The following OPA1 variants were observed in gnomAD, a reference collection of about 807,000 sequenced individuals.
OPA1 encodes the protein OPA1 mitochondrial dynamin like GTPase, also known as dynamin-like GTPase OPA1, mitochondrial.
Under a neutral mutation model 152.9 loss-of-function variants are expected in OPA1, and 59 were observed. That is an observed-to-expected ratio of 0.39 (90% CI 0.31 to 0.48). The LOEUF (loss-of-function observed/expected upper bound fraction) is 0.48, where lower values mean the gene tolerates loss of function less well. Ranked by LOEUF, OPA1 falls within the 20% of genes least tolerant of loss-of-function variation. The pLI is 0.96. For synonymous variants in OPA1, 400 were observed against 389.9 expected (o/e 1.03, Z -0.31); for missense variants, 1,008 against 1,216.8 (o/e 0.83, Z 2.55).
At position 193,695,799 on chromosome 3, in the gene OPA1, G is replaced by A. The variant is rs1722203029; in HGVS notation, c.*1199G>A. ...CAGTTTGCTAAATCTTATTTTCTTG[G>A]AGTTGCTTTTTGGTAACAGCCCCAT... On this transcript the variant is annotated 3_prime_UTR_variant, in exon 31 of 31. Transcript: ENST00000361510. 6.6e-6 allele frequency: 1 copy of A among 151,942 alleles called. No individual in the cohort carries two copies. Among genetic ancestry groups the A allele is most frequent in the Non-Finnish European group, 1.5e-5 (1 of 67,978 alleles). The allele number at this position is 151,942 out of a possible 1,614,324, so 9.4% of individuals were successfully genotyped here. A position where few individuals can be genotyped will look rare whatever the true frequency, so the allele number is the denominator to read the frequency against.
Position 193,639,173 on chromosome 3 carries a change from G to A in OPA1, c.1149+1108G>A, listed in dbSNP as rs142054862. Among the ~76,000 whole-genome samples, 462 of 152,192 alleles carry A rather than the reference G, an allele frequency of 3.0e-3. 5 individuals carry two copies. The highest frequency in any genetic ancestry group is 0.01 in the African/African-American group (434 of 41,512). The stretch of plus-strand genomic sequence containing the variant: ...AGTCTTTCATTGAACAGATATTTAC[G>A]GAATGCTTAATATGTACCAGTAGCA... On this transcript the variant is annotated intron_variant, in intron 11 of 30. Coordinates refer to ENST00000361510, the MANE Select transcript of OPA1 (RefSeq NM_130837.3).
At chr3:193,617,136 A>G (rs1577162252) in intron 3 of OPA1, 42 bp from the exon 4 acceptor site, 1 of 1,189,332 alleles carries the variant, frequency 8.4e-7, no homozygotes, top group Non-Finnish European at 1.3e-6. Context: ...TATCTGACAT[A>G]TTTTCTTAGT....
intron 29 of OPA1, among the ~76,000 whole-genome samples, chr3:193,674,585 T>C (rs1718582623): frequency 6.6e-6 from 1 of 152,172 alleles, no homozygotes. Context: ...TTATAAGAAA[T>C]CTCTATGCCA....
intron 5 of OPA1, 130 bp from the exon 6 acceptor site, chr3:193,618,739 G>A (rs1472250331): frequency 2.6e-6 from 2 of 759,518 alleles, no homozygotes; most frequent in East Asian, 2.6e-5. Flanking sequence ...GAATAAAGGC[G>A]ATTTGATTCT....
At chr3:193,668,732 G>T in intron 29 of OPA1, 1 of 1,294,722 alleles carries the variant, frequency 7.7e-7, no homozygotes, top group Non-Finnish European at 9.9e-7. Context: ...GGCTACCATG[G>T]CTTCCCCTTC....
At chr3:193,674,887 A>G (rs1029840866) in intron 29 of OPA1, among the ~76,000 whole-genome samples, 4 of 152,086 alleles carry the variant, frequency 2.6e-5, no homozygotes, top group African/African-American at 9.7e-5. Context: ...TGTGTTTAAA[A>G]CTGTTTGCGG....
intron 1 of OPA1, among the ~76,000 whole-genome samples, chr3:193,597,507 A>G (rs922041219): frequency 2.0e-5 from 3 of 152,082 alleles, no homozygotes; most frequent in African/African-American, 4.8e-5. Flanking sequence ...CCTGGCCAAC[A>G]TGGTGAAACC....
At chr3:193,657,336 T>C in intron 23 of OPA1, 104 bp downstream of exon 23, 2 of 1,113,300 alleles carry the variant, frequency 1.8e-6, no homozygotes, top group Non-Finnish European at 2.7e-6. Context: ...ACATTCTGAA[T>C]TAAAAATAAT....
At chr3:193,648,761 G>A in intron 20 of OPA1, 34 bp from the exon 21 acceptor site, 1 of 1,395,020 alleles carries the variant, frequency 7.2e-7, no homozygotes, top group Non-Finnish European at 1.0e-6. Context: ...ACTGTCTTAT[G>A]GAAATCTTAC....
chr3:193,606,271 T>C (rs185149078), intron 1 of OPA1, among the ~76,000 whole-genome samples: 5 of 151,896 alleles, frequency 3.3e-5, no homozygotes, highest in Admixed American at 3.3e-4. Context: ...CTTAAAAAAA[T>C]TTTTTTTTAT....
intron 29 of OPA1, chr3:193,668,601 G>C (rs1186595604): frequency 6.5e-6 from 10 of 1,539,142 alleles, no homozygotes; most frequent in Non-Finnish European, 7.9e-6. Flanking sequence ...CCCTGCCTGT[G>C]CTTCGCCAGC....
chr3:193,683,697 T>C (rs1261337607), intron 29 of OPA1, among the ~76,000 whole-genome samples: 3 of 152,148 alleles, frequency 2.0e-5, no homozygotes, highest in African/African-American at 7.2e-5. Context: ...GCAAAAAGAT[T>C]ATGACTTGCT....
chr3:193,604,471 C>G (rs1726917392), intron 1 of OPA1, among the ~76,000 whole-genome samples: 1 of 152,084 alleles, frequency 6.6e-6, no homozygotes. Flanking sequence ...GGTTGCAGGT[C>G]GAGGAAAACT....
intron 6 of OPA1, among the ~76,000 whole-genome samples, chr3:193,624,559 G>C (rs888544590): frequency 3.3e-5 from 5 of 152,062 alleles, no homozygotes; most frequent in Admixed American, 6.5e-5. Context: ...AAAATTATGA[G>C]AATGATGAGG....
intron 8 of OPA1, among the ~76,000 whole-genome samples, chr3:193,632,960 G>A (rs1732334402): frequency 6.6e-6 from 1 of 152,158 alleles, no homozygotes; most frequent in Non-Finnish European, 1.5e-5. Flanking sequence ...GAGGTGCTTG[G>A]GGCCAGCGTG....
intron 1 of OPA1, among the ~76,000 whole-genome samples, chr3:193,612,769 A>G (rs1439016785): frequency 6.6e-6 from 1 of 152,200 alleles, no homozygotes; most frequent in Non-Finnish European, 1.5e-5. Flanking sequence ...CCATTATTAA[A>G]TAAGGTACTT....
chr3:193,626,767 T>C (rs1379965075), intron 7 of OPA1, among the ~76,000 whole-genome samples: 1 of 152,188 alleles, frequency 6.6e-6, no homozygotes, highest in Non-Finnish European at 1.5e-5. Context: ...TCAGCACAAA[T>C]AAATTTTCAC....
chr3:193,601,344 T>G (rs1344735103), intron 1 of OPA1, among the ~76,000 whole-genome samples: 1 of 152,050 alleles, frequency 6.6e-6, no homozygotes, highest in Non-Finnish European at 1.5e-5. Flanking sequence ...ATCATGAGAA[T>G]TTTCAGGGGA....
At chr3:193,597,623 G>A (rs1363980587) in intron 1 of OPA1, among the ~76,000 whole-genome samples, 3 of 151,020 alleles carry the variant, frequency 2.0e-5, no homozygotes, top group Non-Finnish European at 2.9e-5. Flanking sequence ...CCCCAGAGGC[G>A]GAGGTTGCAG....
Sources: allele counts gnomAD v4.1 joint callset (sites outside exome capture counted in the v4.1 genomes callset), GRCh38; gene constraint gnomAD v4.1.1; transcripts MANE v1.5; gene names NCBI Gene and HGNC (gene_info 2026-07-23, HGNC 2026-07-21).